Variants in ZBTB47 observed in about 807,000 individuals in gnomAD.
ZBTB47 encodes zinc finger and BTB domain containing 47, also known as zinc finger and BTB domain-containing protein 47.
A neutral mutation model predicts 56.6 loss-of-function variants in ZBTB47; 24 were observed. The observed-to-expected ratio is 0.42, with a 90% CI of 0.31 to 0.60. ZBTB47 has a LOEUF of 0.60. ZBTB47 is among the 20% of genes least tolerant of loss of function. The pLI is 0.14. For synonymous variants in ZBTB47, 414 were observed against 418.9 expected (o/e 0.99, Z 0.14); for missense variants, 829 against 1,032.6 (o/e 0.80, Z 2.70).
intron 2 of ZBTB47, 36 bp from the exon 3 acceptor site, chr3:42,661,449 T>C: frequency 6.2e-7 from 1 of 1,606,756 alleles, no homozygotes; most frequent in South Asian, 1.1e-5. Context: ...CCCTGGGGAC[T>C]CAGGACCCAG....
At position 42,663,314 on chromosome 3, in the gene ZBTB47, C is replaced by A. The variant is rs1218167517; in HGVS notation, c.1737+187C>A. ...CACCCAGCCCCTACTCTTCTCTGGC[C>A]CACTCCCATCCTGCCCTTCCTTCCC... On this transcript the variant is annotated intron_variant, in intron 4 of 5. Transcript: ENST00000232974. This position sits in a 1 kb window ranked among gnomAD's most constrained non-coding sequence, Gnocchi z 5.1. 6.6e-6 allele frequency among the ~76,000 whole-genome samples: 1 copy of A among 152,078 alleles called. No homozygotes were observed. Among genetic ancestry groups the A allele is most frequent in the African/African-American group, 2.4e-5 (1 of 41,406 alleles).
Position 42,658,889 on chromosome 3 carries a change from G to C in ZBTB47, c.534G>C (p.Val178=). 1.3e-6 allele frequency: 2 copies of C among 1,512,204 alleles called. No homozygotes were observed. Among genetic ancestry groups the C allele is most frequent in the Non-Finnish European group, 1.8e-6 (2 of 1,134,022 alleles). The allele number at this position is 1,512,204 out of a possible 1,614,324, so 93.7% of individuals were successfully genotyped here. A position where few individuals can be genotyped will look rare whatever the true frequency, so the allele number is the denominator to read the frequency against. ...EDGAGTAGGT[V]PATIGPAQPF... ...GGGCAGGGACTGCTGGTGGCACAGT[G>C]CCTGCCACCATTGGGCCAGCCCAGC... is the stretch of plus-strand genomic sequence containing the variant. The change falls in exon 2 of 6, where the codon GTG becomes GTC. Residue 178 remains valine (V), a synonymous_variant. Coordinates refer to ENST00000232974, the MANE Select transcript of ZBTB47 (RefSeq NM_145166.4).
chr3:42,652,954 G>A (rs1415805946), upstream of ZBTB47, among the ~76,000 whole-genome samples: 1 of 152,234 alleles, frequency 6.6e-6, no homozygotes, highest in East Asian at 1.9e-4. Context: ...CAGCGGGCTA[G>A]CTGGTCAGAA....
intron 5 of ZBTB47, 131 bp downstream of exon 5, chr3:42,664,072 C>T: frequency 6.8e-7 from 1 of 1,468,228 alleles, no homozygotes; most frequent in African/African-American, 1.4e-5. Flanking sequence ...ATGCTTCCTG[C>T]CTCCCAGGGT....
chr3:42,664,437 C>T lies in ZBTB47; in HGVS notation c.2083C>T (p.Pro695Ser). The change falls in exon 6 of 6, where the codon CCC becomes TCC. Residue 695 changes from proline to serine, a missense_variant. Physicochemically the swap from Pro to Ser is moderately conservative, Grantham distance 74. Coordinates refer to ENST00000232974, the MANE Select transcript of ZBTB47 (RefSeq NM_145166.4). ...CCACACCCTGGCCGGCGACGGCGTCCCCGCTGCCCCAGGCCTGCCCCCAAC... is the reference window on the plus strand; with the variant it reads ...CCACACCCTGGCCGGCGACGGCGTCTCCGCTGCCCCAGGCCTGCCCCCAAC... ...VSHTLAGDGV[P>S]AAPGLPPTQP... The T allele has an allele frequency of 6.5e-7, 1 of 1,535,236 alleles. No homozygotes were observed.
In ZBTB47 at chr3:42,663,666, T is replaced by C; in HGVS notation, c.1738-131T>C. On this transcript the variant is annotated intron_variant, in intron 4 of 5. Transcript: ENST00000232974. The surrounding 1 kb of genome is among the most constrained non-coding windows in gnomAD (Gnocchi z 5.1). Reference sequence around the variant, plus strand: ...AGATGCACCTCGGCTTGCCCTCATGTCCCCATCTCCTTGCCCAGGAGCCCC... The same window carrying C: ...AGATGCACCTCGGCTTGCCCTCATGCCCCCATCTCCTTGCCCAGGAGCCCC... The C allele has an allele frequency of 8.3e-7, 1 of 1,203,098 alleles. No homozygotes were observed. The highest frequency in any genetic ancestry group is 1.2e-6 in the Non-Finnish European group (1 of 865,852). 74.5% of individuals were successfully genotyped at this position (1,203,098 alleles called of 1,614,324 possible). A position where few individuals can be genotyped will look rare whatever the true frequency, so the allele number is the denominator to read the frequency against.
At chr3:42,658,032 A>T (rs1710658560) in intron 1 of ZBTB47, among the ~76,000 whole-genome samples, 1 of 152,148 alleles carries the variant, frequency 6.6e-6, no homozygotes, top group Admixed American at 6.5e-5. Flanking sequence ...GATGACCCAG[A>T]GGCCCAGAAA....
chr3:42,660,424 G>C (rs1051382609), intron 2 of ZBTB47, among the ~76,000 whole-genome samples: 5 of 152,162 alleles, frequency 3.3e-5, no homozygotes, highest in Non-Finnish European at 7.4e-5. Flanking sequence ...ATGGGCCTGG[G>C]AAAAAGGGAT....
chr3:42,667,577 C>T lies in ZBTB47; in HGVS notation c.*2979C>T, dbSNP rs760788743. On this transcript the variant is annotated 3_prime_UTR_variant, in exon 6 of 6. Transcript: ENST00000232974. ...GAAGGGGAATAAAGTCAGTACAACTCGTGTCCCTTGGCCCAGCCTCTTCTT... is the reference window on the plus strand; with the variant it reads ...GAAGGGGAATAAAGTCAGTACAACTTGTGTCCCTTGGCCCAGCCTCTTCTT... Among the ~76,000 whole-genome samples the T allele has an allele frequency of 3.3e-5, 5 of 152,354 alleles. No homozygotes were observed. Among genetic ancestry groups the T allele is most frequent in the Non-Finnish European group, 5.9e-5 (4 of 68,030 alleles).
Position 42,654,033 on chromosome 3 carries a change from T to C in ZBTB47, c.-82+150T>C, listed in dbSNP as rs922082109. On this transcript the variant is annotated intron_variant, in intron 1 of 5. Coordinates refer to ENST00000232974, the MANE Select transcript of ZBTB47 (RefSeq NM_145166.4). The surrounding 1 kb of genome is among the most constrained non-coding windows in gnomAD (Gnocchi z 5.0). ...AGCCCAGGCGAGAGGGTGGGGGTGG[T>C]GAGCGCGGCTGGGGTGCGGGGTTCA... 5 of 152,300 alleles carry C rather than the reference T, an allele frequency of 3.3e-5. No homozygotes were observed. Among genetic ancestry groups the C allele is most frequent in the Middle Eastern group, 3.4e-3 (1 of 294 alleles). The allele number at this position is 152,300 out of a possible 1,614,324, so 9.4% of individuals were successfully genotyped here. A position where few individuals can be genotyped will look rare whatever the true frequency, so the allele number is the denominator to read the frequency against.
chr3:42,661,756 G>A (rs1710724539), intron 3 of ZBTB47, 124 bp downstream of exon 3: 2 of 1,322,070 alleles, frequency 1.5e-6, no homozygotes, highest in Non-Finnish European at 1.0e-6. Flanking sequence ...TCTCAGCTAG[G>A]AGGCCTGGGG....
At position 42,663,215 on chromosome 3, in the gene ZBTB47, C is replaced by T. The variant is rs1710742830; in HGVS notation, c.1737+88C>T. ...AGCGCAGCTGCTGAAAAACAAAGGG[C>T]TAGGGGGTGGAATGTAGTGTCCAGA... On this transcript the variant is annotated intron_variant, in intron 4 of 5. Coordinates refer to ENST00000232974, the MANE Select transcript of ZBTB47 (RefSeq NM_145166.4). This position sits in a 1 kb window ranked among gnomAD's most constrained non-coding sequence, Gnocchi z 5.1. The T allele has an allele frequency of 2.0e-6, 2 of 996,146 alleles. No individual in the cohort carries two copies. Among genetic ancestry groups the T allele is most frequent in the African/African-American group, 3.2e-5 (2 of 62,970 alleles). The allele number at this position is 996,146 out of a possible 1,614,324, so 61.7% of individuals were successfully genotyped here. A position where few individuals can be genotyped will look rare whatever the true frequency, so the allele number is the denominator to read the frequency against.
chr3:42,659,358 G>C lies in ZBTB47; in HGVS notation c.1003G>C (p.Glu335Gln). The C allele has an allele frequency of 7.2e-7, 1 of 1,389,842 alleles. No homozygotes were observed. Among genetic ancestry groups the C allele is most frequent in the Admixed American group, 2.2e-5 (1 of 45,046 alleles). The allele number at this position is 1,389,842 out of a possible 1,614,324, so 86.1% of individuals were successfully genotyped here. The change falls in exon 2 of 6, where the codon GAA becomes CAA. Residue 335 changes from glutamate (E) to glutamine (Q), a missense_variant. By Grantham distance (29) the Glu-to-Gln change is conservative. Around this residue, in one of 6 missense-constraint regions of ZBTB47, gnomAD observed 359 missense variants for 359.8 expected, o/e 1.00. Transcript: ENST00000232974. ...AGAGGAAGAGGAGGAGGAAGAGGAG[G>C]AAGGGCCTAGTGAGCAGGATCAAGA... Reference protein sequence around the residue: ...QEEEEEEEEEEGPSEQDQESS... With the variant: ...QEEEEEEEEEQGPSEQDQESS...
Position 42,663,217 on chromosome 3 carries a change from A to AT in ZBTB47, c.1737+90_1737+91insT. 2.1e-6 allele frequency: 2 copies of AT among 973,632 alleles called. No homozygotes were observed. The highest frequency in any genetic ancestry group is 1.6e-6 in the Non-Finnish European group (1 of 610,854). The allele number at this position is 973,632 out of a possible 1,614,324, so 60.3% of individuals were successfully genotyped here. A position where few individuals can be genotyped will look rare whatever the true frequency, so the allele number is the denominator to read the frequency against. ...CGCAGCTGCTGAAAAACAAAGGGCT[A>AT]GGGGGTGGAATGTAGTGTCCAGAAA... is the stretch of plus-strand genomic sequence containing the variant. On this transcript the variant is annotated intron_variant, in intron 4 of 5. Coordinates refer to ENST00000232974, the MANE Select transcript of ZBTB47 (RefSeq NM_145166.4). This position sits in a 1 kb window ranked among gnomAD's most constrained non-coding sequence, Gnocchi z 5.1.
chr3:42,657,532 C>T (rs892097108), intron 1 of ZBTB47, among the ~76,000 whole-genome samples: 10 of 152,198 alleles, frequency 6.6e-5, no homozygotes, highest in Non-Finnish European at 1.5e-4. Flanking sequence ...GGCCCAAGCC[C>T]TGGCTGTGAT....
Position 42,663,684 on chromosome 3 carries a change from G to A in ZBTB47, c.1738-113G>A, listed in dbSNP as rs1056346247. On this transcript the variant is annotated intron_variant, in intron 4 of 5. Transcript: ENST00000232974. This position sits in a 1 kb window ranked among gnomAD's most constrained non-coding sequence, Gnocchi z 5.1. ...CCTCATGTCCCCATCTCCTTGCCCA[G>A]GAGCCCCTGAGTGTGTCCCTCCTTG... 2.9e-6 allele frequency: 4 copies of A among 1,380,050 alleles called. No individual in the cohort carries two copies. The African/African-American group carries it at 4.3e-5, about 15-fold the overall frequency. 85.5% of individuals were successfully genotyped at this position (1,380,050 alleles called of 1,614,324 possible). A position where few individuals can be genotyped will look rare whatever the true frequency, so the allele number is the denominator to read the frequency against.
chr3:42,654,643 G>C lies in ZBTB47; in HGVS notation c.-82+760G>C, dbSNP rs1710614752. 1.0e-6 allele frequency: 1 copy of C among 984,108 alleles called. No homozygotes were observed. The highest frequency in any genetic ancestry group is 1.2e-6 in the Non-Finnish European group (1 of 829,336). The allele number at this position is 984,108 out of a possible 1,614,324, so 61.0% of individuals were successfully genotyped here. On this transcript the variant is annotated intron_variant, in intron 1 of 5. Coordinates refer to ENST00000232974, the MANE Select transcript of ZBTB47 (RefSeq NM_145166.4). This position sits in a 1 kb window ranked among gnomAD's most constrained non-coding sequence, Gnocchi z 5.0. ...TGGAGCGGCCCTGGCCTGGCCGCCG[G>C]GGGCAGCGCGATCCCGCGGGGCCCT...
At position 42,658,847 on chromosome 3, in the gene ZBTB47, G is replaced by A. The variant is rs1428002277; in HGVS notation, c.492G>A (p.Ser164=). 36 of 1,531,836 alleles carry A rather than the reference G, an allele frequency of 2.4e-5. No individual in the cohort carries two copies. The highest frequency in any genetic ancestry group is 7.2e-5 in the South Asian group (6 of 83,332). 94.9% of individuals were successfully genotyped at this position (1,531,836 alleles called of 1,614,324 possible). Residue 164 remains serine, a synonymous_variant, in exon 2 of 6, where the codon TCG becomes TCA. Transcript: ENST00000232974. ...IYAREGPDPY[S]VRVEDGAGTA... is the part of the protein sequence containing the mutation. ...CCCGCGAGGGCCCTGACCCTTACTC[G>A]GTGCGTGTTGAGGACGGGGCAGGGA...
At position 42,658,994 on chromosome 3, in the gene ZBTB47, A is replaced by G. The variant is rs868286709; in HGVS notation, c.639A>G (p.Gly213=). 5 of 1,527,492 alleles carry G rather than the reference A, an allele frequency of 3.3e-6. No homozygotes were observed. The African/African-American group carries it at 5.5e-5, about 17-fold the overall frequency. The allele number at this position is 1,527,492 out of a possible 1,614,324, so 94.6% of individuals were successfully genotyped here. A position where few individuals can be genotyped will look rare whatever the true frequency, so the allele number is the denominator to read the frequency against. The change falls in exon 2 of 6, where the codon GGA becomes GGG. Residue 213 remains glycine, a synonymous_variant. Coordinates refer to ENST00000232974, the MANE Select transcript of ZBTB47 (RefSeq NM_145166.4). ...PPASLCKLEG[G]EELEEELGGS... ...CCAGCTTGTGCAAGCTGGAGGGTGGAGAAGAGTTGGAGGAAGAGCTTGGGG... is the reference window on the plus strand; with the variant it reads ...CCAGCTTGTGCAAGCTGGAGGGTGGGGAAGAGTTGGAGGAAGAGCTTGGGG...
Sources: gnomAD v4.1 joint callset for allele counts (sites outside exome capture counted in the v4.1 genomes callset) on GRCh38, gnomAD v4.1.1 for gene constraint, gnomAD v4.1.1 regional missense constraint, Gnocchi (gnomAD v3.1) non-coding constraint, MANE v1.5 for transcripts, NCBI Gene and HGNC (gene_info 2026-07-23, HGNC 2026-07-21) for gene names.